The following ZNF654 variants were observed in gnomAD, a reference collection of about 807,000 sequenced individuals.
The protein encoded by ZNF654 is melanoma-associated antigen.
In ZNF654, 19 loss-of-function variants were observed where a neutral mutation model predicts 95.3. The observed-to-expected ratio is 0.20, with a 90% CI of 0.14 to 0.29. The LOEUF (loss-of-function observed/expected upper bound fraction) is 0.29, where lower values mean the gene tolerates loss of function less well. Among genes scored for constraint, ZNF654 ranks in the 10% least tolerant of loss-of-function variants. The probability of loss-of-function intolerance (pLI) is 1.00; values close to 1 mark genes in which losing one functional copy is unlikely to be tolerated. For synonymous variants in ZNF654, 413 were observed against 457.9 expected (o/e 0.90, Z 1.25); for missense variants, 1,046 against 1,341.0 (o/e 0.78, Z 3.44).
At chr3:88,130,465 T>A (rs1258561758) in intron 6 of ZNF654, among the ~76,000 whole-genome samples, 1 of 152,134 alleles carries the variant, frequency 6.6e-6, no homozygotes, top group African/African-American at 2.4e-5. Flanking sequence ...TGTTTTTGTT[T>A]TTTGGAGACA....
chr3:88,137,594 G>T (rs570031792), intron 7 of ZNF654, among the ~76,000 whole-genome samples: 1 of 152,254 alleles, frequency 6.6e-6, no homozygotes, highest in African/African-American at 2.4e-5. Flanking sequence ...TGTTTTTAAA[G>T]ATAAGTTATT....
In ZNF654 at chr3:88,059,358, C is replaced by G. The variant is rs1706700938; in HGVS notation, c.39C>G (p.Leu13=). Residue 13 remains leucine (L), a synonymous_variant, in exon 1 of 9, where the codon CTC becomes CTG. Transcript: ENST00000636215. ...EEESDQEAER[L]GEELVAIVES... Reference sequence around the variant, plus strand: ...AGAGCGACCAAGAGGCCGAACGCCTCGGAGAAGAGCTTGTGGCCATTGTGG... The same window carrying G: ...AGAGCGACCAAGAGGCCGAACGCCTGGGAGAAGAGCTTGTGGCCATTGTGG... The G allele has an allele frequency of 6.5e-7, 1 of 1,534,932 alleles. No individual in the cohort carries two copies. The highest frequency in any genetic ancestry group is 1.4e-5 in the African/African-American group (1 of 72,940).
chr3:88,059,997 G>A lies in ZNF654; in HGVS notation c.186+492G>A, dbSNP rs182428346. Among the ~76,000 whole-genome samples the A allele has an allele frequency of 1.4e-3, 209 of 151,888 alleles. 4 individuals are homozygous for A. Among genetic ancestry groups the A allele is most frequent in the African/African-American group, 4.8e-3 (199 of 41,400 alleles). ...ACTGCCACTGTTCCCCCTCTTCTAG[G>A]GTCTCCTGTCATCCCCTCACAAGAT... is the stretch of plus-strand genomic sequence containing the variant. On this transcript the variant is annotated intron_variant, in intron 1 of 8. Transcript: ENST00000636215.
intron 2 of ZNF654, among the ~76,000 whole-genome samples, chr3:88,103,059 T>C (rs932537806): frequency 7.2e-5 from 11 of 152,118 alleles, no homozygotes; most frequent in Non-Finnish European, 1.2e-4. Context: ...CTCCCCCTTA[T>C]AAGTGAGCAC....
At chr3:88,128,015 C>T (rs901227413) in intron 4 of ZNF654, among the ~76,000 whole-genome samples, 2 of 152,118 alleles carry the variant, frequency 1.3e-5, no homozygotes, top group African/African-American at 4.8e-5. Context: ...AATTAAAATA[C>T]TTCTGGATTC....
At chr3:88,098,175 A>G (rs925260756) in intron 2 of ZNF654, among the ~76,000 whole-genome samples, 4 of 152,224 alleles carry the variant, frequency 2.6e-5, no homozygotes, top group Admixed American at 1.3e-4. Context: ...CAAAAATACA[A>G]ACTGCCATCA....
In ZNF654 at chr3:88,101,105, CT is replaced by C. The variant is rs201217767; in HGVS notation, c.333-12003del. On this transcript the variant is annotated intron_variant, in intron 2 of 8. Coordinates refer to ENST00000636215, the MANE Select transcript of ZNF654 (RefSeq NM_001350134.2). ...CCACTCCTTACCCATTGCTAGTTAT[CT>C]TTTTTTATGTAAAGCTTTATTAAAA... 7.8e-3 allele frequency among the ~76,000 whole-genome samples: 1,184 copies of C among 152,192 alleles called. 22 individuals are homozygous for C. The highest frequency in any genetic ancestry group is 0.027 in the African/African-American group (1,128 of 41,516).
chr3:88,123,470 G>A (rs1050649427), intron 3 of ZNF654, among the ~76,000 whole-genome samples: 2 of 152,202 alleles, frequency 1.3e-5, no homozygotes, highest in African/African-American at 4.8e-5. Flanking sequence ...GACACTAAGT[G>A]TGGGAGGTGT....
chr3:88,070,014 T>C (rs1471020735), intron 1 of ZNF654, among the ~76,000 whole-genome samples: 2 of 152,192 alleles, frequency 1.3e-5, no homozygotes, highest in East Asian at 1.9e-4. Flanking sequence ...TCTCTCAAAT[T>C]ATAGAATTTA....
intron 2 of ZNF654, among the ~76,000 whole-genome samples, chr3:88,089,886 A>G (rs1708542856): frequency 6.6e-6 from 1 of 152,212 alleles, no homozygotes; most frequent in South Asian, 2.1e-4. Context: ...GATGTTTCAT[A>G]TGAGATGGTG....
intron 2 of ZNF654, among the ~76,000 whole-genome samples, chr3:88,105,286 C>CT (rs11334104): frequency 6.6e-6 from 1 of 151,980 alleles, no homozygotes; most frequent in African/African-American, 2.4e-5. Flanking sequence ...TTCCACCCTG[C>CT]TTTTTTTTAC....
intron 4 of ZNF654, 39 bp downstream of exon 4, chr3:88,126,308 G>A (rs1218977743): frequency 7.0e-7 from 1 of 1,421,440 alleles, no homozygotes; most frequent in Non-Finnish European, 9.2e-7. Context: ...ACATTTGTGA[G>A]AAGCAAATAC....
intron 2 of ZNF654, among the ~76,000 whole-genome samples, chr3:88,102,052 CTT>C (rs1234578858): frequency 6.6e-6 from 1 of 151,792 alleles, no homozygotes; most frequent in Non-Finnish European, 1.5e-5. Context: ...GATATACACT[CTT>C]TATCAGATAT....
chr3:88,132,363 GCGTTTGTACA>G (rs1706514652), intron 6 of ZNF654, among the ~76,000 whole-genome samples: 1 of 152,138 alleles, frequency 6.6e-6, no homozygotes. Flanking sequence ...CCTGGGAAAT[GCGTTTGTACA>G]CTGAATGAGT....
At chr3:88,101,728 T>A (rs1704437612) in intron 2 of ZNF654, among the ~76,000 whole-genome samples, 1 of 152,174 alleles carries the variant, frequency 6.6e-6, no homozygotes, top group South Asian at 2.1e-4. Flanking sequence ...AGTTTATGTT[T>A]AGCGTTTTGT....
At chr3:88,069,212 A>G (rs926414124) in intron 1 of ZNF654, among the ~76,000 whole-genome samples, 2 of 152,196 alleles carry the variant, frequency 1.3e-5, no homozygotes, top group African/African-American at 4.8e-5. Flanking sequence ...ACCTGAGTCC[A>G]GGAGCTCAAG....
rs755244220 is a variant in ZNF654, at chr3:88,140,449, G to A, written c.2780G>A (p.Cys927Tyr). 23 of 1,613,466 alleles carry A rather than the reference G, an allele frequency of 1.4e-5. No homozygotes were observed. The East Asian group carries it at 3.6e-4, about 25-fold the overall frequency. Reference protein sequence around the residue: ...SRKESTEPKTCIESMEKKTDS... With the variant: ...SRKESTEPKTYIESMEKKTDS... ...AAAGAGTCTACAGAACCAAAGACAT[G>A]TATAGAAAGTATGGAAAAGAAAACA... Residue 927 changes from cysteine (C) to tyrosine (Y), a missense_variant, in exon 8 of 9, where the codon TGT becomes TAT. By Grantham distance (194) the Cys-to-Tyr change is radical. This residue lies in a region of ZNF654 where 495 missense variants were observed against 537.0 expected (regional missense o/e 0.92). Transcript: ENST00000636215.
In ZNF654 at chr3:88,123,011, C is replaced by CA. The variant is rs1289535548; in HGVS notation, c.415-3108dup. ...GGCGACAGAGTGAGGCTCTGAGTCT[C>CA]AAAAAAAAAAAAAAAGTAAAAAGAA... On this transcript the variant is annotated intron_variant, in intron 3 of 8. Transcript: ENST00000636215. 7.6e-3 allele frequency among the ~76,000 whole-genome samples: 575 copies of CA among 75,664 alleles called. 2 individuals are homozygous for CA. Among genetic ancestry groups the CA allele is most frequent in the East Asian group, 0.034 (94 of 2,780 alleles). 49.6% of individuals were successfully genotyped at this position (75,664 alleles called of 152,430 possible). A position where few individuals can be genotyped will look rare whatever the true frequency, so the allele number is the denominator to read the frequency against.
At chr3:88,074,973 C>T (rs1707719062) in intron 1 of ZNF654, among the ~76,000 whole-genome samples, 1 of 152,128 alleles carries the variant, frequency 6.6e-6, no homozygotes, top group South Asian at 2.1e-4. Flanking sequence ...GTCTGTTTGC[C>T]ATATTTTGTG....
Sources: allele counts gnomAD v4.1 joint callset (sites outside exome capture counted in the v4.1 genomes callset), GRCh38; gene constraint gnomAD v4.1.1; regional missense constraint gnomAD v4.1.1; transcripts MANE v1.5; gene names NCBI Gene and HGNC (gene_info 2026-07-23, HGNC 2026-07-21).